The following GABRP variants were observed in gnomAD, a reference collection of about 807,000 sequenced individuals.
GABRP encodes gamma-aminobutyric acid type A receptor subunit pi.
A neutral mutation model predicts 47.8 loss-of-function variants in GABRP; 52 were observed. That is an observed-to-expected ratio of 1.09 (90% CI 0.87 to 1.37). The LOEUF (loss-of-function observed/expected upper bound fraction) is 1.37, where lower values mean the gene tolerates loss of function less well. Ranked by LOEUF, GABRP falls within the 40% of genes most tolerant of loss-of-function variation. The pLI is 0.00. For missense variants in GABRP, 525 were observed against 542.8 expected, an observed-to-expected ratio of 0.97 and a Z score of 0.33; for synonymous variants, 221 against 205.8, an observed-to-expected ratio of 1.07 and a Z score of -0.63.
chr5:170,796,993 A>G (rs1353130397), intron 5 of GABRP, among the ~76,000 whole-genome samples: 1 of 152,188 alleles, frequency 6.6e-6, no homozygotes, highest in South Asian at 2.1e-4. Context: ...TCCCATGAGG[A>G]GGCAGGGCCT....
intron 4 of GABRP, among the ~76,000 whole-genome samples, chr5:170,794,688 G>A (rs374927659): frequency 1.3e-4 from 20 of 152,202 alleles, no homozygotes; most frequent in South Asian, 8.3e-4. Context: ...GAGACAACCC[G>A]AGGAAAACTG....
chr5:170,794,230 G>T lies in GABRP; in HGVS notation c.173-1G>T. On this transcript the variant is annotated splice_acceptor_variant, in intron 3 of 9. Transcript: ENST00000265294. LOFTEE classifies it high-confidence loss of function. ...TTCTTTCTTGTTTTTTTTTATCTTAGGAGAACCCGTACAGATAGCGCTGAC... is the reference window on the plus strand; with the variant it reads ...TTCTTTCTTGTTTTTTTTTATCTTATGAGAACCCGTACAGATAGCGCTGAC... 1.2e-6 allele frequency: 2 copies of T among 1,601,822 alleles called. No individual in the cohort carries two copies. Among genetic ancestry groups the T allele is most frequent in the Non-Finnish European group, 1.7e-6 (2 of 1,172,094 alleles).
rs767114079 is a variant in GABRP at position 170,794,238 on chromosome 5, C to T, written c.180C>T (p.Pro60=). Reference sequence around the variant, plus strand: ...TGTTTTTTTTTATCTTAGGAGAACCCGTACAGATAGCGCTGACTCTGGACA... The same window carrying T: ...TGTTTTTTTTTATCTTAGGAGAACCTGTACAGATAGCGCTGACTCTGGACA... ...KFLRPNFGGE[P]VQIALTLDIA... is the part of the protein sequence containing the mutation. The change falls in exon 4 of 10, where the codon CCC becomes CCT. Residue 60 remains proline, a synonymous_variant. Transcript: ENST00000265294. 25 of 1,608,622 alleles carry T rather than the reference C, an allele frequency of 1.6e-5. No homozygotes were observed. The highest frequency in any genetic ancestry group is 5.5e-5 in the South Asian group (5 of 90,708).
At chr5:170,801,076 A>C (rs1050986974) in intron 6 of GABRP, among the ~76,000 whole-genome samples, 5 of 152,224 alleles carry the variant, frequency 3.3e-5, no homozygotes, top group Non-Finnish European at 5.9e-5. Context: ...AGATATGTAT[A>C]TTGTTTTTCC....
chr5:170,812,335 T>A lies in GABRP; in HGVS notation c.*77T>A. 8.8e-7 allele frequency: 1 copy of A among 1,134,752 alleles called. No homozygotes were observed. The highest frequency in any genetic ancestry group is 1.3e-6 in the Non-Finnish European group (1 of 781,438). 70.3% of individuals were successfully genotyped at this position (1,134,752 alleles called of 1,614,324 possible). ...GATGTAAATGGTATTTTAGGCCAAG[T>A]GTGCACCCACATCCAATGGTGCTAC... On this transcript the variant is annotated 3_prime_UTR_variant, in exon 10 of 10. Coordinates refer to ENST00000265294, the MANE Select transcript of GABRP (RefSeq NM_014211.3).
intron 6 of GABRP, among the ~76,000 whole-genome samples, chr5:170,801,601 AG>A: frequency 6.6e-6 from 1 of 152,092 alleles, no homozygotes; most frequent in Non-Finnish European, 1.5e-5. Context: ...CTAATACTTT[AG>A]TTTTATATAT....
At chr5:170,797,418 C>T (rs59767369) in intron 5 of GABRP, 48 bp from the exon 6 acceptor site, 3 of 1,206,130 alleles carry the variant, frequency 2.5e-6, no homozygotes, top group Middle Eastern at 3.8e-4. Flanking sequence ...TGTGAACTTT[C>T]TATAACTTCC....
At chr5:170,798,319 G>T (rs1765492299) in intron 6 of GABRP, among the ~76,000 whole-genome samples, 1 of 152,196 alleles carries the variant, frequency 6.6e-6, no homozygotes, top group Non-Finnish European at 1.5e-5. Context: ...GAGATTACAG[G>T]CGTGAGCCAC....
intron 6 of GABRP, among the ~76,000 whole-genome samples, chr5:170,798,101 G>T (rs961829653): frequency 6.6e-5 from 10 of 152,352 alleles, no homozygotes; most frequent in African/African-American, 2.4e-4. Context: ...GACTGTGGTG[G>T]CGCGATCTCG....
chr5:170,805,984 G>A, intron 7 of GABRP, 131 bp downstream of exon 7: 1 of 984,390 alleles, frequency 1.0e-6, no homozygotes, highest in Non-Finnish European at 1.5e-6. Context: ...TAGGGTTTGT[G>A]CTGAGCAATT....
intron 6 of GABRP, among the ~76,000 whole-genome samples, chr5:170,803,629 T>C (rs1326006848): frequency 6.6e-6 from 1 of 152,248 alleles, no homozygotes; most frequent in East Asian, 1.9e-4. Flanking sequence ...CCTGTACCCA[T>C]CTGCAGTCAC....
At chr5:170,802,713 CCT>C (rs978161438) in intron 6 of GABRP, among the ~76,000 whole-genome samples, 3 of 150,484 alleles carry the variant, frequency 2.0e-5, no homozygotes, top group Non-Finnish European at 4.4e-5. Flanking sequence ...CTCTGTTCAG[CCT>C]CTGTTTCACA....
At chr5:170,795,112 G>C in intron 4 of GABRP, 96 bp from the exon 5 acceptor site, 1 of 827,364 alleles carries the variant, frequency 1.2e-6, no homozygotes, top group Admixed American at 1.7e-5. Flanking sequence ...AAGTGGAGGT[G>C]GGGAGGGGAG....
intron 7 of GABRP, among the ~76,000 whole-genome samples, chr5:170,807,168 G>A (rs1019252364): frequency 3.3e-5 from 5 of 151,928 alleles, no homozygotes; most frequent in Non-Finnish European, 5.9e-5. Flanking sequence ...AGCTGGTCTC[G>A]AACTCCTGAG....
chr5:170,803,838 G>T (rs996775755), intron 6 of GABRP, among the ~76,000 whole-genome samples: 1 of 152,072 alleles, frequency 6.6e-6, no homozygotes, highest in Non-Finnish European at 1.5e-5. Context: ...GTGCAATGGC[G>T]CAATCTAGGC....
chr5:170,809,603 A>G lies in GABRP; in HGVS notation c.868A>G (p.Ile290Val), dbSNP rs765546095. Residue 290 changes from isoleucine (I) to valine (V), a missense_variant, in exon 9 of 10, where the codon ATC (isoleucine) becomes GTC (valine). Coordinates refer to ENST00000265294, the MANE Select transcript of GABRP (RefSeq NM_014211.3). ...CGTGTTATCAATGACCACACTGATG[A>G]TCGGGTCCCGCACTTCTCTTCCCAA... ...TTVLSMTTLM[I>V]GSRTSLPNTN... 2 of 1,614,138 alleles carry G rather than the reference A, an allele frequency of 1.2e-6. No homozygotes were observed. Among genetic ancestry groups the G allele is most frequent in the Non-Finnish European group, 1.7e-6 (2 of 1,180,016 alleles).
intron 6 of GABRP, among the ~76,000 whole-genome samples, chr5:170,803,489 A>G (rs1765647265): frequency 6.6e-6 from 1 of 152,146 alleles, no homozygotes; most frequent in Non-Finnish European, 1.5e-5. Flanking sequence ...AGCTTTATTG[A>G]GGTATAACTT....
chr5:170,808,581 CTGT>C lies in GABRP; in HGVS notation c.680-14_680-12del. On this transcript the variant is annotated splice_polypyrimidine_tract_variant and intron_variant, in intron 7 of 9. Transcript: ENST00000265294. Reference sequence around the variant, plus strand: ...TACACGAACAGACACAATTTCCTATCTGTTGTTTACCCTTTCAGGAAATTACAC... The same window carrying C: ...TACACGAACAGACACAATTTCCTATCTGTTTACCCTTTCAGGAAATTACAC... 1 of 1,608,888 alleles carries C rather than the reference CTGT, an allele frequency of 6.2e-7. No homozygotes were observed. The highest frequency in any genetic ancestry group is 1.7e-4 in the Middle Eastern group (1 of 6,046).
chr5:170,808,636 G>A lies in GABRP; in HGVS notation c.716G>A (p.Arg239Gln), dbSNP rs369828954. The A allele has an allele frequency of 5.9e-5, 96 of 1,613,896 alleles. No homozygotes were observed. Among genetic ancestry groups the A allele is most frequent in the African/African-American group, 5.6e-4 (42 of 75,000 alleles). The change falls in exon 8 of 10, where the codon CGG becomes CAG. Residue 239 changes from arginine (R) to glutamine (Q), a missense_variant. Arg to Gln is a conservative substitution (Grantham distance 43, BLOSUM62 1). Coordinates refer to ENST00000265294, the MANE Select transcript of GABRP (RefSeq NM_014211.3). The stretch of plus-strand genomic sequence containing the variant: ...AGATTGGTCTTACAGTTTGAGCTTC[G>A]GAGGAATGTTCTGTATTTCATTTTG... ...YTRLVLQFEL[R>Q]RNVLYFILET...
Sources: allele counts gnomAD v4.1 joint callset (sites outside exome capture counted in the v4.1 genomes callset), GRCh38; gene constraint gnomAD v4.1.1; transcripts MANE v1.5; gene names NCBI Gene and HGNC (gene_info 2026-07-23, HGNC 2026-07-21).